Variants in PTGER3 observed in about 807,000 individuals in gnomAD.
The protein encoded by PTGER3 is prostaglandin E2 receptor EP3 subtype.
Under a neutral mutation model 34.7 loss-of-function variants are expected in PTGER3, and 22 were observed. That is an observed-to-expected ratio of 0.63 (90% confidence interval 0.45 to 0.91). The LOEUF is 0.91. Ranked by LOEUF, PTGER3 falls within the 40% of genes least tolerant of loss-of-function variation. PTGER3 has a pLI of 0.00. For synonymous variants in PTGER3, 241 were observed against 230.1 expected, an observed-to-expected ratio of 1.05 and a Z score of -0.43; for missense variants, 468 against 519.4, an observed-to-expected ratio of 0.90 and a Z score of 0.96.
chr1:70,921,382 T>C (rs1270367856), intron 4 of PTGER3, among the ~76,000 whole-genome samples: 3 of 152,182 alleles, frequency 2.0e-5, no homozygotes, highest in Non-Finnish European at 4.4e-5. Flanking sequence ...GCAATGCTTT[T>C]CTTTCTCTCT....
At chr1:70,997,310 C>T (rs538735806) in intron 2 of PTGER3, 5 of 152,138 alleles carry the variant, frequency 3.3e-5, no homozygotes, top group African/African-American at 9.6e-5. Context: ...ATAAAGTATA[C>T]GTCTCTTCTC....
At chr1:70,967,552 G>T (rs1652656482), downstream of PTGER3, among the ~76,000 whole-genome samples, 1 of 152,002 alleles carries the variant, frequency 6.6e-6, no homozygotes, top group African/African-American at 2.4e-5. Flanking sequence ...AAAATAGTCA[G>T]TAAAAGCCTG....
chr1:70,989,695 C>T (rs1043986372), intron 2 of PTGER3, among the ~76,000 whole-genome samples: 28 of 152,256 alleles, frequency 1.8e-4, no homozygotes, highest in Admixed American at 1.5e-3. Flanking sequence ...ATGTCACTTG[C>T]TGATTGAAAT....
At chr1:70,962,202 C>T (rs143393358) in intron 2 of PTGER3, among the ~76,000 whole-genome samples, 183 of 152,300 alleles carry the variant, frequency 1.2e-3, no homozygotes, top group African/African-American at 1.5e-3. Context: ...TCCTCTAAGA[C>T]GACTCTATTC....
intron 4 of PTGER3, among the ~76,000 whole-genome samples, chr1:70,905,387 C>T (rs534666159): frequency 1.4e-4 from 22 of 152,222 alleles, no homozygotes; most frequent in Non-Finnish European, 2.2e-4. Flanking sequence ...TGACAGCCTG[C>T]ACCATGCACC....
intron 4 of PTGER3, among the ~76,000 whole-genome samples, chr1:70,854,304 T>G (rs746694240): frequency 6.6e-5 from 10 of 152,052 alleles, no homozygotes; most frequent in Non-Finnish European, 1.2e-4. Context: ...AAAAAATGGG[T>G]AAAATCCTCA....
chr1:71,042,730 T>G (rs962352218), intron 1 of PTGER3, among the ~76,000 whole-genome samples: 1 of 152,196 alleles, frequency 6.6e-6, no homozygotes, highest in African/African-American at 2.4e-5. Context: ...ATGTGGCATA[T>G]TAAAGGCAAA....
chr1:70,919,375 G>C (rs1409669155), intron 4 of PTGER3, among the ~76,000 whole-genome samples: 1 of 152,100 alleles, frequency 6.6e-6, no homozygotes, highest in Non-Finnish European at 1.5e-5. Context: ...CTAGTTCTCA[G>C]AACCCATCAT....
intron 2 of PTGER3, among the ~76,000 whole-genome samples, chr1:70,996,333 G>C (rs562174657): frequency 1.3e-5 from 2 of 151,810 alleles, no homozygotes; most frequent in African/African-American, 4.8e-5. Context: ...TACTCTCTGA[G>C]ACAAAATAAT....
At chr1:70,972,120 G>T (rs1319834136) in intron 3 of PTGER3, among the ~76,000 whole-genome samples, 1 of 152,086 alleles carries the variant, frequency 6.6e-6, no homozygotes, top group African/African-American at 2.4e-5. Flanking sequence ...GAGGTCAAGA[G>T]ATCAAGACCA....
At chr1:71,020,079 T>C (rs1262488055) in intron 1 of PTGER3, among the ~76,000 whole-genome samples, 1 of 152,216 alleles carries the variant, frequency 6.6e-6, no homozygotes, top group Admixed American at 6.5e-5. Flanking sequence ...TAGTTAATTA[T>C]GTAATTTGAA....
At chr1:70,936,127 T>G (rs988453454) in intron 4 of PTGER3, among the ~76,000 whole-genome samples, 2 of 152,202 alleles carry the variant, frequency 1.3e-5, no homozygotes, top group Admixed American at 1.3e-4. Context: ...ATATGAGCTC[T>G]AAACTGTGTT....
At chr1:71,028,321 C>G (rs988601185) in intron 1 of PTGER3, among the ~76,000 whole-genome samples, 1 of 152,142 alleles carries the variant, frequency 6.6e-6, no homozygotes, top group Non-Finnish European at 1.5e-5. Context: ...CTACCACTTG[C>G]GGGGAACAAG....
chr1:70,957,842 TC>T (rs1485139553), intron 2 of PTGER3, among the ~76,000 whole-genome samples: 5 of 152,294 alleles, frequency 3.3e-5, no homozygotes, highest in Admixed American at 3.3e-4. Flanking sequence ...CCTTTTGTTG[TC>T]CCCCCTTCCA....
intron 4 of PTGER3, among the ~76,000 whole-genome samples, chr1:70,881,244 T>G (rs1646383993): frequency 6.6e-6 from 1 of 152,202 alleles, no homozygotes; most frequent in Admixed American, 6.5e-5. Context: ...AAAGTGAGTT[T>G]TTCACCTCTG....
chr1:70,868,111 T>A (rs146309049), intron 4 of PTGER3, among the ~76,000 whole-genome samples: 109 of 152,254 alleles, frequency 7.2e-4, no homozygotes, highest in Admixed American at 5.4e-3. Context: ...CCCAGGCTTT[T>A]GCATACACTG....
At chr1:71,020,598 T>C (rs375097780) in intron 1 of PTGER3, among the ~76,000 whole-genome samples, 1 of 151,490 alleles carries the variant, frequency 6.6e-6, no homozygotes, top group East Asian at 1.9e-4. Flanking sequence ...AAAAAAAAAC[T>C]CCAAGGGGCA....
chr1:70,967,678 C>A (rs192225646), downstream of PTGER3, among the ~76,000 whole-genome samples: 46 of 152,194 alleles, frequency 3.0e-4, no homozygotes, highest in East Asian at 8.3e-3. Context: ...AAGATACCTG[C>A]ATAATGACAA....
intron 4 of PTGER3, among the ~76,000 whole-genome samples, chr1:70,879,537 A>G (rs976613541): frequency 2.6e-5 from 4 of 152,138 alleles, no homozygotes; most frequent in African/African-American, 9.6e-5. Flanking sequence ...GGTGAGCCAC[A>G]ACGTCTAGCC....
Sources: allele counts gnomAD v4.1 joint callset (sites outside exome capture counted in the v4.1 genomes callset), GRCh38; gene constraint gnomAD v4.1.1; transcripts MANE v1.5; gene names NCBI Gene and HGNC (gene_info 2026-07-23, HGNC 2026-07-21).